The following SIL1 variants were observed in gnomAD, a reference collection of about 807,000 sequenced individuals.
The protein encoded by SIL1 is SIL1 nucleotide exchange factor.
SIL1 carries 40 observed loss-of-function variants against 49.1 expected under a neutral mutation model. The ratio of observed to expected loss-of-function variants is 0.81; its 90% CI spans 0.63 to 1.06. The LOEUF (loss-of-function observed/expected upper bound fraction) is 1.06, where lower values mean the gene tolerates loss of function less well. Ranked by LOEUF, SIL1 falls within the 50% of genes least tolerant of loss-of-function variation. The pLI is 0.00. For missense variants in SIL1, 500 were observed against 572.6 expected (o/e 0.87, Z 1.29); for synonymous variants, 253 against 250.8 (o/e 1.01, Z -0.08).
At chr5:139,167,205 C>T (rs1751641726) in intron 1 of SIL1, among the ~76,000 whole-genome samples, 1 of 152,124 alleles carries the variant, frequency 6.6e-6, no homozygotes, top group South Asian at 2.1e-4. Context: ...CCCCCACCCC[C>T]CGCCTCAGCC....
At chr5:138,955,982 G>A (rs2150381046) in intron 7 of SIL1, among the ~76,000 whole-genome samples, 1 of 152,276 alleles carries the variant, frequency 6.6e-6, no homozygotes, top group East Asian at 1.9e-4. Context: ...GTTAGATGGG[G>A]GCCAAGGAAA....
At chr5:139,045,386 C>T (rs547607401) in intron 4 of SIL1, among the ~76,000 whole-genome samples, 4 of 152,040 alleles carry the variant, frequency 2.6e-5, no homozygotes, top group African/African-American at 9.7e-5. Context: ...CCTTTCCTGG[C>T]TTGTTACCTC....
intron 1 of SIL1, among the ~76,000 whole-genome samples, chr5:139,142,589 A>G (rs1581130465): frequency 6.6e-6 from 1 of 152,210 alleles, no homozygotes; most frequent in Non-Finnish European, 1.5e-5. Context: ...AAAATCCAAT[A>G]TCCTTTCATA....
intron 3 of SIL1, among the ~76,000 whole-genome samples, chr5:139,066,082 C>T (rs754345023): frequency 6.6e-6 from 1 of 152,280 alleles, no homozygotes; most frequent in South Asian, 2.1e-4. Flanking sequence ...TAAATGTTCC[C>T]TCCTTGTGCC....
intron 3 of SIL1, among the ~76,000 whole-genome samples, chr5:139,080,864 T>C (rs1460953898): frequency 6.6e-6 from 1 of 152,254 alleles, no homozygotes; most frequent in Non-Finnish European, 1.5e-5. Flanking sequence ...TTGGAACCTA[T>C]AACCAAAGTA....
At chr5:139,000,073 C>T (rs1767955079) in intron 7 of SIL1, among the ~76,000 whole-genome samples, 1 of 151,988 alleles carries the variant, frequency 6.6e-6, no homozygotes, top group Non-Finnish European at 1.5e-5. Flanking sequence ...TCCATTTTTC[C>T]CTGTTCAGTA....
At chr5:139,133,135 C>T (rs1378367611) in intron 1 of SIL1, among the ~76,000 whole-genome samples, 1 of 152,154 alleles carries the variant, frequency 6.6e-6, no homozygotes, top group Non-Finnish European at 1.5e-5. Flanking sequence ...ACATTTATGG[C>T]CCTCTTCTGA....
intron 7 of SIL1, among the ~76,000 whole-genome samples, chr5:139,004,651 C>T (rs1768068612): frequency 6.6e-6 from 1 of 152,080 alleles, no homozygotes; most frequent in Non-Finnish European, 1.5e-5. Flanking sequence ...CTACTGAATT[C>T]CTAACTGCAA....
chr5:139,012,266 G>C (rs1768293088), intron 7 of SIL1: 1 of 152,340 alleles, frequency 6.6e-6, no homozygotes, highest in African/African-American at 2.4e-5. Context: ...TGTTGCCCAG[G>C]CTGGTCTTGA....
At chr5:139,041,187 C>A (rs1769040408) in intron 5 of SIL1, among the ~76,000 whole-genome samples, 1 of 152,218 alleles carries the variant, frequency 6.6e-6, no homozygotes, top group Non-Finnish European at 1.5e-5. Context: ...TGGTAGGACA[C>A]AATTGCGAGC....
intron 3 of SIL1, among the ~76,000 whole-genome samples, chr5:139,110,983 T>C (rs888715856): frequency 6.6e-6 from 1 of 152,238 alleles, no homozygotes; most frequent in Admixed American, 6.5e-5. Context: ...TCCACCTATG[T>C]ATGCACTGCC....
chr5:139,149,767 T>C (rs541338701), intron 1 of SIL1, among the ~76,000 whole-genome samples: 2 of 152,310 alleles, frequency 1.3e-5, no homozygotes, highest in South Asian at 4.1e-4. Context: ...AGTGGTTTTT[T>C]AAAGGCCTGG....
chr5:139,173,790 CAAAA>C (rs70982756), intron 1 of SIL1, among the ~76,000 whole-genome samples: 1 of 106,372 alleles, frequency 9.4e-6, no homozygotes, highest in Admixed American at 1.1e-4. Context: ...ACTAAAAATA[CAAAA>C]AAAAAAAAAA....
intron 5 of SIL1, among the ~76,000 whole-genome samples, chr5:139,034,703 T>C (rs982388204): frequency 6.6e-5 from 10 of 152,232 alleles, no homozygotes; most frequent in Non-Finnish European, 1.3e-4. Flanking sequence ...GCTTCAACTA[T>C]CAAACAATTT....
At chr5:139,155,935 C>T (rs1318979863) in intron 1 of SIL1, among the ~76,000 whole-genome samples, 5 of 151,948 alleles carry the variant, frequency 3.3e-5, no homozygotes, top group East Asian at 1.9e-4. Flanking sequence ...CAGGTTCAAG[C>T]GATTTTCCCA....
At chr5:138,950,020 T>C (rs1766729834) in intron 9 of SIL1, among the ~76,000 whole-genome samples, 1 of 152,044 alleles carries the variant, frequency 6.6e-6, no homozygotes, top group Admixed American at 6.5e-5. Context: ...CCCCAAAGCT[T>C]CCAGAGGCAG....
At chr5:139,183,465 G>C (rs1177697112) in intron 1 of SIL1, among the ~76,000 whole-genome samples, 1 of 152,170 alleles carries the variant, frequency 6.6e-6, no homozygotes, top group Non-Finnish European at 1.5e-5. Flanking sequence ...AGAGTAGAAA[G>C]GGCAAGGTGA....
intron 3 of SIL1, among the ~76,000 whole-genome samples, chr5:139,111,849 A>G (rs112600200): frequency 3.3e-3 from 503 of 151,096 alleles, no homozygotes; most frequent in Middle Eastern, 0.027. Flanking sequence ...CCCACTCCCC[A>G]CGGTCTCCCT....
chr5:139,137,452 C>A, intron 1 of SIL1: 2 of 624,208 alleles, frequency 3.2e-6, no homozygotes, highest in Non-Finnish European at 5.8e-6. Context: ...GCCACAGAAA[C>A]TGGACTCATC....
Sources: gnomAD v4.1 joint callset for allele counts (sites outside exome capture counted in the v4.1 genomes callset) on GRCh38, gnomAD v4.1.1 for gene constraint, MANE v1.5 for transcripts, NCBI Gene and HGNC (gene_info 2026-07-23, HGNC 2026-07-21) for gene names.